The following CDH23 variants were observed in gnomAD, a reference collection of about 807,000 sequenced individuals.
CDH23 encodes the protein cadherin related 23.
Under a neutral mutation model 317.1 loss-of-function variants are expected in CDH23, and 189 were observed. The ratio of observed to expected loss-of-function variants is 0.60; its 90% CI spans 0.53 to 0.67. CDH23 has a LOEUF of 0.67. CDH23 is among the 30% of genes least tolerant of loss of function. The pLI, the probability that CDH23 is intolerant of heterozygous loss-of-function variation, is 0.00. For synonymous variants in CDH23, 1,839 were observed against 1,876.8 expected, an observed-to-expected ratio of 0.98 and a Z score of 0.52; for missense variants, 4,401 against 4,592.4, an observed-to-expected ratio of 0.96 and a Z score of 1.20.
At chr10:71,570,986 G>A (rs893942296) in intron 8 of CDH23, 68 bp downstream of exon 8, 2 of 1,575,474 alleles carry the variant, frequency 1.3e-6, no homozygotes, top group African/African-American at 2.7e-5. Context: ...GCTCCTGTTA[G>A]GGATGGGCCC....
chr10:71,652,056 A>C (rs762003648), intron 14 of CDH23, among the ~76,000 whole-genome samples: 12 of 152,214 alleles, frequency 7.9e-5, no homozygotes, highest in African/African-American at 1.2e-4. Flanking sequence ...CAGACAAGAC[A>C]GGCTTCTTCC....
chr10:71,420,549 T>TGATG (rs1285573654), intron 1 of CDH23, among the ~76,000 whole-genome samples: 5 of 8,434 alleles, frequency 5.9e-4, no homozygotes, highest in African/African-American at 1.0e-3. Context: ...ATGATGGTGA[T>TGATG]ATGATGATGG....
chr10:71,810,576 C>T lies in CDH23; in HGVS notation c.9077+7C>T, dbSNP rs76114420. 4.7e-4 allele frequency: 765 copies of T among 1,613,414 alleles called. 13 individuals carry two copies. In the East Asian group the frequency reaches 0.011, roughly 24 times the overall value. On this transcript the variant is annotated splice_region_variant and intron_variant, in intron 62 of 69. Transcript: ENST00000224721. ...GCATCCTGGACGTGGACCGGTGAGTCGGGGCCTGTGTTTGGACTGTCAGCC... is the reference window on the plus strand; with the variant it reads ...GCATCCTGGACGTGGACCGGTGAGTTGGGGCCTGTGTTTGGACTGTCAGCC...
intron 3 of CDH23, among the ~76,000 whole-genome samples, chr10:71,472,370 T>C (rs1468104782): frequency 1.3e-5 from 2 of 152,198 alleles, no homozygotes; most frequent in East Asian, 3.9e-4. Flanking sequence ...CTGCTGGGCC[T>C]CTGTCTGGGT....
intron 41 of CDH23, among the ~76,000 whole-genome samples, chr10:71,781,802 A>G (rs1469397946): frequency 6.6e-6 from 1 of 152,124 alleles, no homozygotes; most frequent in Non-Finnish European, 1.5e-5. Flanking sequence ...GAGCCCAAAG[A>G]TAACTTTGGG....
chr10:71,594,358 TCC>T (rs1859701417), intron 9 of CDH23, among the ~76,000 whole-genome samples: 1 of 151,940 alleles, frequency 6.6e-6, no homozygotes, highest in African/African-American at 2.4e-5. Flanking sequence ...TCTCTCTCCC[TCC>T]CTCTCTCTCT....
At chr10:71,805,389 T>C (rs937266019) in intron 55 of CDH23, among the ~76,000 whole-genome samples, 2 of 152,174 alleles carry the variant, frequency 1.3e-5, no homozygotes, top group Admixed American at 1.3e-4. Context: ...CACCCAGAAT[T>C]CCTGTGTTTG....
intron 11 of CDH23, among the ~76,000 whole-genome samples, chr10:71,628,818 C>T (rs79875244): frequency 0.031 from 4,663 of 152,292 alleles, 108 homozygotes; most frequent in South Asian, 0.087. Flanking sequence ...TTTTCAGCAT[C>T]GAAGTTGTCA....
intron 51 of CDH23, 57 bp from the exon 52 acceptor site, chr10:71,799,435 G>T: frequency 6.2e-7 from 1 of 1,612,552 alleles, no homozygotes; most frequent in South Asian, 1.1e-5. Flanking sequence ...CTAGGGCTGT[G>T]CTCGGGCTCT....
At chr10:71,728,117 G>A (rs923272364) in intron 30 of CDH23, among the ~76,000 whole-genome samples, 3 of 152,224 alleles carry the variant, frequency 2.0e-5, no homozygotes, top group Middle Eastern at 3.4e-3. Context: ...AGGGTAAGGC[G>A]CACAGTTTTG....
intron 3 of CDH23, among the ~76,000 whole-genome samples, chr10:71,459,325 C>T (rs1015856129): frequency 1.3e-5 from 2 of 152,028 alleles, no homozygotes; most frequent in Admixed American, 1.3e-4. Context: ...GAATCCTGAG[C>T]GCAAGCAGTC....
At position 71,403,322 on chromosome 10, in the gene CDH23, CCTTCCTTTCTTTCTTT is replaced by C. The variant is rs1199682420; in HGVS notation, c.-6+6008_-6+6023del. Among the ~76,000 whole-genome samples, 453 of 92,306 alleles carry C rather than the reference CCTTCCTTTCTTTCTTT, an allele frequency of 4.9e-3. 14 individuals are homozygous for C. Among genetic ancestry groups the C allele is most frequent in the Non-Finnish European group, 5.7e-3 (300 of 53,070 alleles). The allele number at this position is 92,306 out of a possible 152,430, so 60.6% of individuals were successfully genotyped here. The stretch of plus-strand genomic sequence containing the variant: ...TGCTTTCTCTTTCTCTTTCTTCCTT[CCTTCCTTTCTTTCTTT>C]CTTTCTTTCTTTCTTTCTTTCTTTC... On this transcript the variant is annotated intron_variant, in intron 1 of 69. Transcript: ENST00000224721.
At chr10:71,715,355 G>A (rs1866161852) in intron 28 of CDH23, 2 of 152,176 alleles carry the variant, frequency 1.3e-5, no homozygotes, top group South Asian at 2.1e-4. Context: ...CTGGCACCCA[G>A]GCATCTGTTC....
chr10:71,561,872 A>G (rs868659982), intron 6 of CDH23, among the ~76,000 whole-genome samples: 10 of 151,982 alleles, frequency 6.6e-5, no homozygotes, highest in African/African-American at 2.2e-4. Flanking sequence ...GGGAGGAGGG[A>G]AGCAGGGGTG....
intron 1 of CDH23, among the ~76,000 whole-genome samples, chr10:71,428,557 T>C (rs751670428): frequency 2.6e-5 from 4 of 152,056 alleles, no homozygotes; most frequent in Non-Finnish European, 5.9e-5. Context: ...GTGAGCATTG[T>C]TTCATGGGCT....
At chr10:71,603,684 G>A (rs907314994) in intron 9 of CDH23, among the ~76,000 whole-genome samples, 2 of 152,200 alleles carry the variant, frequency 1.3e-5, no homozygotes, top group African/African-American at 4.8e-5. Flanking sequence ...CGGGCCCCAG[G>A]GCTGAGGGAG....
chr10:71,619,585 C>A (rs758508568), intron 11 of CDH23, among the ~76,000 whole-genome samples: 1 of 152,176 alleles, frequency 6.6e-6, no homozygotes, highest in African/African-American at 2.4e-5. Context: ...GGTCCAGTGA[C>A]CACAGGCAGT....
At chr10:71,443,841 TG>T (rs1231031691) in intron 2 of CDH23, among the ~76,000 whole-genome samples, 4 of 152,380 alleles carry the variant, frequency 2.6e-5, no homozygotes, top group African/African-American at 7.2e-5. Context: ...GTCACCTGTC[TG>T]CCCCGCCTGT....
intron 6 of CDH23, among the ~76,000 whole-genome samples, chr10:71,547,600 G>A (rs929418632): frequency 3.3e-5 from 5 of 152,230 alleles, no homozygotes; most frequent in African/African-American, 1.2e-4. Flanking sequence ...AGTCCACATT[G>A]CAGGGCCAGA....
Sources: allele counts gnomAD v4.1 joint callset (sites outside exome capture counted in the v4.1 genomes callset), GRCh38; gene constraint gnomAD v4.1.1; transcripts MANE v1.5; gene names NCBI Gene and HGNC (gene_info 2026-07-23, HGNC 2026-07-21).